Variants in FNTB observed in about 807,000 individuals in gnomAD.
FNTB encodes the protein protein farnesyltransferase subunit beta.
In FNTB, 27 loss-of-function variants were observed where a neutral mutation model predicts 59.4. The ratio of observed to expected loss-of-function variants is 0.45; its 90% confidence interval spans 0.34 to 0.63. The LOEUF is 0.63. Ranked by LOEUF, FNTB falls within the 20% of genes least tolerant of loss-of-function variation. FNTB has a pLI of 0.02. For synonymous variants in FNTB, 230 were observed against 220.7 expected (o/e 1.04, Z -0.37); for missense variants, 449 against 559.6 (o/e 0.80, Z 1.99).
chr14:65,014,100 CG>C lies in FNTB; in HGVS notation c.283-1523del, dbSNP rs1379156533. The stretch of plus-strand genomic sequence containing the variant: ...TTTTGAAGAGAGCAGCTTGGGCCAA[CG>C]GAAAGAACACTGGATTGACTCTAAA... On this transcript the variant is annotated intron_variant, in intron 3 of 11. Transcript: ENST00000246166. This position sits in a 1 kb window ranked among gnomAD's most constrained non-coding sequence, Gnocchi z 5.1. 6.6e-6 allele frequency among the ~76,000 whole-genome samples: 1 copy of C among 152,130 alleles called. No homozygotes were observed. Among genetic ancestry groups the C allele is most frequent in the Non-Finnish European group, 1.5e-5 (1 of 68,024 alleles).
rs369469981 is a variant in FNTB at position 65,055,688 on chromosome 14, T to C, written c.1182+999T>C. Among the ~76,000 whole-genome samples, 12 of 152,116 alleles carry C rather than the reference T, an allele frequency of 7.9e-5. No individual in the cohort carries two copies. The East Asian group carries it at 2.3e-3, about 29-fold the overall frequency. On this transcript the variant is annotated intron_variant, in intron 11 of 11. Coordinates refer to ENST00000246166, the MANE Select transcript of FNTB (RefSeq NM_002028.4). ...TGCACCACCACACCCAGCTAATTTT[T>C]GTATTTTTAGTAGAGACAGGGTTTC... is the stretch of plus-strand genomic sequence containing the variant.
At position 65,012,144 on chromosome 14, in the gene FNTB, T is replaced by C; in HGVS notation, c.210-173T>C. The C allele has an allele frequency of 1.5e-6, 1 of 664,224 alleles. No individual in the cohort carries two copies. The allele number at this position is 664,224 out of a possible 1,614,324, so 41.1% of individuals were successfully genotyped here. A position where few individuals can be genotyped will look rare whatever the true frequency, so the allele number is the denominator to read the frequency against. On this transcript the variant is annotated intron_variant, in intron 2 of 11. Coordinates refer to ENST00000246166, the MANE Select transcript of FNTB (RefSeq NM_002028.4). The surrounding 1 kb of genome is among the most constrained non-coding windows in gnomAD (Gnocchi z 5.0). The stretch of plus-strand genomic sequence containing the variant: ...AGAGACATTCAGACAAGAGCTTCTT[T>C]TCTCTGGTTTAGTTGCTCTTTGGAA...
chr14:64,990,115 CA>C lies in FNTB; in HGVS notation c.144+3019del, dbSNP rs959927240. Among the ~76,000 whole-genome samples the C allele has an allele frequency of 3.3e-5, 5 of 152,170 alleles. No individual in the cohort carries two copies. Among genetic ancestry groups the C allele is most frequent in the African/African-American group, 9.7e-5 (4 of 41,434 alleles). ...CCAAGGCAGCAGAATGCCAGGTGAG[CA>C]GGGGGCTTAGCAAACCAGAGAGTAG... On this transcript the variant is annotated intron_variant, in intron 1 of 11. Transcript: ENST00000246166. This position sits in a 1 kb window ranked among gnomAD's most constrained non-coding sequence, Gnocchi z 5.2.
rs771954819 is a variant in FNTB at position 65,061,322 on chromosome 14, G to A, written c.*10G>A. ...GCCTGCAACCGACTAGAGGACCTGG[G>A]TCCCGGCAGCTCTTTGCTCACCCAT... is the stretch of plus-strand genomic sequence containing the variant. On this transcript the variant is annotated 3_prime_UTR_variant, in exon 12 of 12. Transcript: ENST00000246166. The A allele has an allele frequency of 1.4e-5, 22 of 1,613,246 alleles. No homozygotes were observed. In the Admixed American group the frequency reaches 1.5e-4, roughly 11 times the overall value.
In FNTB at chr14:65,061,454, C is replaced by CA; in HGVS notation, c.*146dup. ...GTTCTCTTGGTACTTTCTTGTCAAA[C>CA]AAAACCAATGGCTCTGGGTTTGGAG... is the stretch of plus-strand genomic sequence containing the variant. On this transcript the variant is annotated 3_prime_UTR_variant, in exon 12 of 12. Coordinates refer to ENST00000246166, the MANE Select transcript of FNTB (RefSeq NM_002028.4). 1 of 1,356,008 alleles carries CA rather than the reference C, an allele frequency of 7.4e-7. No individual in the cohort carries two copies. The highest frequency in any genetic ancestry group is 9.7e-7 in the Non-Finnish European group (1 of 1,025,768). 84.0% of individuals were successfully genotyped at this position (1,356,008 alleles called of 1,614,324 possible).
At chr14:65,057,517 G>C (rs2062763610) in intron 11 of FNTB, among the ~76,000 whole-genome samples, 1 of 152,126 alleles carries the variant, frequency 6.6e-6, no homozygotes, top group African/African-American at 2.4e-5. Context: ...TTTGGGGGAG[G>C]GTAGGTGAGG....
intron 3 of FNTB, among the ~76,000 whole-genome samples, chr14:65,013,535 T>C (rs963370681): frequency 2.0e-5 from 3 of 152,196 alleles, no homozygotes; most frequent in African/African-American, 7.2e-5. Flanking sequence ...AACAGTGTGC[T>C]GAAAGCTTAC....
Position 65,044,335 on chromosome 14 carries a change from C to T in FNTB, c.847C>T (p.Arg283Ter). ...LLQWVTSRQM[R>*]FEGGFQGRCN... ...GCAATGGGTGACAAGCCGGCAGATG[C>T]GATTTGAAGGAGGATTTCAGGGCCG... The change falls in exon 9 of 12, where the codon CGA (arginine) becomes TGA (stop). Residue 283 changes from arginine to a stop codon, truncating the protein, a stop_gained. Transcript: ENST00000246166. LOFTEE classifies it high-confidence loss of function. This position sits in a 1 kb window ranked among gnomAD's most constrained non-coding sequence, Gnocchi z 5.5. 1.2e-6 allele frequency: 2 copies of T among 1,613,398 alleles called. No individual in the cohort carries two copies. Among genetic ancestry groups the T allele is most frequent in the South Asian group, 1.1e-5 (1 of 90,834 alleles).
rs1156826502 is a variant in FNTB, at chr14:64,987,012, C to T, written c.59C>T (p.Ser20Leu). 4.3e-6 allele frequency: 7 copies of T among 1,614,126 alleles called. No homozygotes were observed. The highest frequency in any genetic ancestry group is 4.5e-5 in the East Asian group (2 of 44,898). Reference protein sequence around the residue: ...YCPPSSSPVWSEPLYSLRPEH... With the variant: ...YCPPSSSPVWLEPLYSLRPEH... ...CCTCCATCTTCCTCCCCCGTCTGGTCAGAGCCGCTGTACAGTCTGAGGCCC... is the reference window on the plus strand; with the variant it reads ...CCTCCATCTTCCTCCCCCGTCTGGTTAGAGCCGCTGTACAGTCTGAGGCCC... Residue 20 changes from serine to leucine, a missense_variant, in exon 1 of 12, where the codon TCA becomes TTA. Coordinates refer to ENST00000246166, the MANE Select transcript of FNTB (RefSeq NM_002028.4).
chr14:65,029,665 CAT>C lies in FNTB; in HGVS notation c.605+1885_605+1886del, dbSNP rs2062043105. Among the ~76,000 whole-genome samples, 1 of 152,130 alleles carries C rather than the reference CAT, an allele frequency of 6.6e-6. No individual in the cohort carries two copies. Among genetic ancestry groups the C allele is most frequent in the African/African-American group, 2.4e-5 (1 of 41,428 alleles). ...CATTTGCAGAAGTTTGGTGAGAAAG[CAT>C]GTGTTGCTCAAGAAAGGACAAGTTC... On this transcript the variant is annotated intron_variant, in intron 6 of 11. Transcript: ENST00000246166. The surrounding 1 kb of genome is among the most constrained non-coding windows in gnomAD (Gnocchi z 4.7).
intron 1 of FNTB, among the ~76,000 whole-genome samples, chr14:64,995,316 A>G (rs1307682504): frequency 2.0e-5 from 3 of 152,188 alleles, no homozygotes; most frequent in Non-Finnish European, 4.4e-5. Flanking sequence ...GTAGAGTTAC[A>G]CTCTAAAATA....
chr14:65,027,669 C>A lies in FNTB; in HGVS notation c.522-29C>A. On this transcript the variant is annotated intron_variant, in intron 5 of 11. Transcript: ENST00000246166. This position sits in a 1 kb window ranked among gnomAD's most constrained non-coding sequence, Gnocchi z 5.7. ...GCCTGCTGACACGCACTGACTGTTG[C>A]CTCTCCTACCTCTTTCCCTGTTTCT... 6.2e-7 allele frequency: 1 copy of A among 1,614,126 alleles called. No homozygotes were observed. Among genetic ancestry groups the A allele is most frequent in the Non-Finnish European group, 8.5e-7 (1 of 1,180,000 alleles).
At chr14:65,018,738 A>T (rs986309722) in intron 4 of FNTB, among the ~76,000 whole-genome samples, 2 of 142,404 alleles carry the variant, frequency 1.4e-5, no homozygotes, top group African/African-American at 2.6e-5. Context: ...TGAATCTGGG[A>T]GGTGGACGTT....
intron 8 of FNTB, 110 bp downstream of exon 8, chr14:65,041,029 T>A: frequency 6.7e-7 from 1 of 1,501,724 alleles, no homozygotes; most frequent in Middle Eastern, 1.8e-4. Flanking sequence ...GCTAAGAGAG[T>A]TAGCTCTGTT....
chr14:65,050,097 A>T (rs2062573809), intron 9 of FNTB, among the ~76,000 whole-genome samples: 1 of 152,204 alleles, frequency 6.6e-6, no homozygotes, highest in South Asian at 2.1e-4. Flanking sequence ...ACAAGGGGCA[A>T]GTATAAGAAA....
rs556992418 is a variant in FNTB, at chr14:64,996,485, A to G, written c.145-7764A>G. 2.2e-4 allele frequency among the ~76,000 whole-genome samples: 33 copies of G among 152,350 alleles called. No homozygotes were observed. The South Asian group carries it at 6.0e-3, about 28-fold the overall frequency. On this transcript the variant is annotated intron_variant, in intron 1 of 11. Transcript: ENST00000246166. ...AGGCTTAACATTTGTTAGGTTATAC[A>G]TTAAATAATGGGAGAGCTGGCCTTG...
chr14:64,989,679 TC>T (rs1288377808), intron 1 of FNTB, among the ~76,000 whole-genome samples: 2 of 152,238 alleles, frequency 1.3e-5, no homozygotes, highest in Non-Finnish European at 2.9e-5. Flanking sequence ...AGTCGTCTGT[TC>T]CATTCGTTGA....
intron 11 of FNTB, among the ~76,000 whole-genome samples, 160 bp from the exon 12 acceptor site, chr14:65,061,021 A>C (rs2062855346): frequency 6.6e-6 from 1 of 152,074 alleles, no homozygotes; most frequent in Non-Finnish European, 1.5e-5. Context: ...CATGTACTAG[A>C]TAGTTTTAGC....
intron 7 of FNTB, among the ~76,000 whole-genome samples, chr14:65,039,142 C>T (rs996547895): frequency 4.6e-5 from 7 of 152,168 alleles, no homozygotes; most frequent in African/African-American, 7.2e-5. Flanking sequence ...GGGAGCTCTG[C>T]GAGAGTGGGC....
Sources: allele counts gnomAD v4.1 joint callset (sites outside exome capture counted in the v4.1 genomes callset), GRCh38; gene constraint gnomAD v4.1.1; non-coding constraint Gnocchi (gnomAD v3.1); transcripts MANE v1.5; gene names NCBI Gene and HGNC (gene_info 2026-07-23, HGNC 2026-07-21).